Variants in APP observed in about 807,000 individuals in gnomAD.
The protein encoded by APP is amyloid beta precursor protein.
In APP, 31 loss-of-function variants were observed where a neutral mutation model predicts 101.4. The ratio of observed to expected loss-of-function variants is 0.31; its 90% CI spans 0.23 to 0.41. The LOEUF (loss-of-function observed/expected upper bound fraction) is 0.41. APP is among the 10% of genes least tolerant of loss of function. APP has a pLI of 1.00. For synonymous variants in APP, 366 were observed against 364.4 expected, an observed-to-expected ratio of 1.00 and a Z score of -0.05; for missense variants, 839 against 1,003.7, an observed-to-expected ratio of 0.84 and a Z score of 2.22.
intron 3 of APP, among the ~76,000 whole-genome samples, chr21:26,062,008 GA>G (rs1238591617): frequency 6.6e-6 from 1 of 152,032 alleles, no homozygotes; most frequent in Non-Finnish European, 1.5e-5. Context: ...TCAGGAGTTT[GA>G]AACCAGCCTG....
intron 17 of APP, among the ~76,000 whole-genome samples, chr21:25,889,702 G>A (rs1045320180): frequency 2.0e-5 from 3 of 152,038 alleles, no homozygotes; most frequent in African/African-American, 7.2e-5. Flanking sequence ...TTAGCCAGGC[G>A]TGGTGGTATG....
intron 5 of APP, among the ~76,000 whole-genome samples, chr21:26,035,352 T>C (rs1473981161): frequency 1.3e-5 from 2 of 152,138 alleles, no homozygotes; most frequent in African/African-American, 2.4e-5. Flanking sequence ...ACATCCATTA[T>C]AGACAATGAG....
intron 5 of APP, among the ~76,000 whole-genome samples, chr21:26,039,241 C>T (rs538556740): frequency 8.5e-5 from 13 of 152,292 alleles, no homozygotes; most frequent in African/African-American, 3.1e-4. Context: ...AATCTCATGA[C>T]TACTAGCATT....
intron 5 of APP, among the ~76,000 whole-genome samples, chr21:26,036,976 GTGTGTGTGTGTA>G (rs1426844975): frequency 1.3e-5 from 2 of 148,828 alleles, no homozygotes; most frequent in Non-Finnish European, 3.0e-5. Flanking sequence ...TGTGATGTGT[GTGTGTGTGTGTA>G]TGTGTGTGTG....
intron 3 of APP, among the ~76,000 whole-genome samples, chr21:26,088,859 T>C (rs191515430): frequency 6.6e-6 from 1 of 152,316 alleles, no homozygotes; most frequent in East Asian, 1.9e-4. Flanking sequence ...ATCAATTACA[T>C]TGTAAGTAAA....
At chr21:26,107,755 G>A (rs563739152) in intron 2 of APP, among the ~76,000 whole-genome samples, 3 of 152,228 alleles carry the variant, frequency 2.0e-5, no homozygotes, top group Non-Finnish European at 2.9e-5. Context: ...CAATGCTGAT[G>A]GTATTAGTGT....
intron 5 of APP, among the ~76,000 whole-genome samples, chr21:26,038,263 G>T (rs1601290794): frequency 1.1e-5 from 1 of 89,802 alleles, no homozygotes; most frequent in Admixed American, 1.0e-4. Context: ...CCTTATCTAG[G>T]ATAGAAGTGC....
intron 3 of APP, among the ~76,000 whole-genome samples, chr21:26,065,247 A>G (rs743290): frequency 0.08 from 12,249 of 152,258 alleles, 620 homozygotes; most frequent in African/African-American, 0.14. Context: ...GATCCCTGTC[A>G]GGTGCATCTA....
intron 14 of APP, among the ~76,000 whole-genome samples, chr21:25,905,935 A>G (rs17001492): frequency 0.011 from 1,120 of 104,044 alleles, 16 homozygotes; most frequent in African/African-American, 0.035. Flanking sequence ...AATAATGGTC[A>G]TAGGGTAAAT....
chr21:26,079,042 C>A (rs2061546624), intron 3 of APP, among the ~76,000 whole-genome samples: 1 of 63,160 alleles, frequency 1.6e-5, no homozygotes, highest in African/African-American at 5.9e-5. Flanking sequence ...GAAACTCCAT[C>A]TCAAAAAAAA....
At chr21:26,120,120 G>A (rs1046302730) in intron 1 of APP, among the ~76,000 whole-genome samples, 2 of 152,144 alleles carry the variant, frequency 1.3e-5, no homozygotes, top group African/African-American at 4.8e-5. Flanking sequence ...AATGGTTATT[G>A]TTCTAAGCCA....
intron 13 of APP, among the ~76,000 whole-genome samples, chr21:25,914,392 G>T (rs2039235008): frequency 6.6e-6 from 1 of 151,804 alleles, no homozygotes; most frequent in Non-Finnish European, 1.5e-5. Flanking sequence ...GAGAGATGGG[G>T]TCTTCTGGAA....
intron 4 of APP, among the ~76,000 whole-genome samples, chr21:26,051,837 G>A (rs928186153): frequency 2.6e-5 from 4 of 152,152 alleles, no homozygotes; most frequent in African/African-American, 9.7e-5. Flanking sequence ...ATAAATGAAG[G>A]ATGAATAATT....
chr21:25,950,793 A>C (rs1308580293), intron 13 of APP, among the ~76,000 whole-genome samples: 1 of 152,140 alleles, frequency 6.6e-6, no homozygotes, highest in African/African-American at 2.4e-5. Flanking sequence ...ATCTCAGGTA[A>C]GTAGGGGATG....
intron 13 of APP, among the ~76,000 whole-genome samples, chr21:25,935,858 A>AAAC (rs1555898903): frequency 1.7e-4 from 25 of 150,126 alleles, no homozygotes; most frequent in African/African-American, 6.2e-4. Flanking sequence ...AAAAAAAAAA[A>AAAC]AAACCTGTCA....
chr21:25,981,680 T>C (rs1406143118), intron 9 of APP, among the ~76,000 whole-genome samples: 1 of 148,864 alleles, frequency 6.7e-6, no homozygotes, highest in Non-Finnish European at 1.5e-5. Flanking sequence ...ATTAAGGACC[T>C]GCTAAAAAAA....
Position 26,044,046 on chromosome 21 carries a change from T to C in APP, c.662+6954A>G, listed in dbSNP as rs114622075. Among the ~76,000 whole-genome samples the C allele has an allele frequency of 8.7e-4, 133 of 152,282 alleles. 1 individual carries two copies. Among genetic ancestry groups the C allele is most frequent in the African/African-American group, 3.2e-3 (132 of 41,562 alleles). On this transcript the variant is annotated intron_variant, in intron 5 of 17. Coordinates refer to ENST00000346798, the MANE Select transcript of APP (RefSeq NM_000484.4). Reference sequence around the variant, plus strand: ...AACTGTGCTAAAGAAGACAAAATAATATGAGCATGAAAGAATGATATAATT... The same window carrying C: ...AACTGTGCTAAAGAAGACAAAATAACATGAGCATGAAAGAATGATATAATT...
intron 3 of APP, among the ~76,000 whole-genome samples, chr21:26,053,663 T>C (rs570374780): frequency 7.9e-5 from 12 of 152,358 alleles, no homozygotes; most frequent in Non-Finnish European, 1.5e-4. Flanking sequence ...ATTACCATTC[T>C]ACTACAACAG....
intron 4 of APP, among the ~76,000 whole-genome samples, chr21:26,053,030 C>T (rs1007659454): frequency 1.2e-4 from 19 of 152,150 alleles, no homozygotes; most frequent in African/African-American, 4.6e-4. Context: ...ACAGGGGGTA[C>T]ACGGGAACTC....
Sources: allele counts gnomAD v4.1 joint callset (sites outside exome capture counted in the v4.1 genomes callset), GRCh38; gene constraint gnomAD v4.1.1; transcripts MANE v1.5; gene names NCBI Gene and HGNC (gene_info 2026-07-23, HGNC 2026-07-21).